Variants in GOLGA4 observed in about 807,000 individuals in gnomAD.
GOLGA4 encodes the protein golgin A4.
GOLGA4 carries 169 observed loss-of-function variants against 265.9 expected under a neutral mutation model. That is an observed-to-expected ratio of 0.64 (90% CI 0.56 to 0.72). The LOEUF (loss-of-function observed/expected upper bound fraction) is 0.72. GOLGA4 is among the 30% of genes least tolerant of loss of function. The pLI, the probability that GOLGA4 is intolerant of heterozygous loss-of-function variation, is 0.00. For missense variants in GOLGA4, 2,482 were observed against 2,483.4 expected (o/e 1.00, Z 0.01); for synonymous variants, 923 against 855.8 (o/e 1.08, Z -1.37).
chr3:37,258,924 A>G (rs1045182814), intron 2 of GOLGA4, among the ~76,000 whole-genome samples: 1 of 152,104 alleles, frequency 6.6e-6, no homozygotes, highest in Admixed American at 6.6e-5. Flanking sequence ...TATATTCATA[A>G]GAGATGCTGG....
intron 12 of GOLGA4, 170 bp from the exon 13 acceptor site, chr3:37,321,561 C>G: frequency 1.7e-6 from 1 of 585,706 alleles, no homozygotes. Context: ...CTGGAAAAGC[C>G]ATAGTGCCTT....
Position 37,349,760 on chromosome 3 carries a change from G to A in GOLGA4, c.6576+2464G>A, listed in dbSNP as rs79211018. ...GGTTGCGGTTTTAGAATAAGTCGGA[G>A]TATGTTGTGCTCTTTGTGATTTGAT... On this transcript the variant is annotated intron_variant, in intron 21 of 23. Coordinates refer to ENST00000361924, the MANE Select transcript of GOLGA4 (RefSeq NM_002078.5). Among the ~76,000 whole-genome samples the A allele has an allele frequency of 8.4e-3, 1,272 of 152,254 alleles. 18 individuals are homozygous for A. Among genetic ancestry groups the A allele is most frequent in the Middle Eastern group, 0.014 (4 of 294 alleles).
At chr3:37,258,988 C>T (rs892458487) in intron 2 of GOLGA4, among the ~76,000 whole-genome samples, 9 of 151,842 alleles carry the variant, frequency 5.9e-5, no homozygotes, top group African/African-American at 2.2e-4. Context: ...TAATACAGCC[C>T]CCATGAAACG....
intron 22 of GOLGA4, 65 bp downstream of exon 22, chr3:37,355,252 T>G (rs1436659324): frequency 1.2e-6 from 1 of 853,750 alleles, no homozygotes; most frequent in Non-Finnish European, 2.0e-6. Context: ...CTGTCTCATT[T>G]ATAAGGACTT....
chr3:37,298,807 C>A, intron 7 of GOLGA4, 26 bp from the exon 8 acceptor site: 4 of 1,525,466 alleles, frequency 2.6e-6, no homozygotes, highest in Non-Finnish European at 3.6e-6. Context: ...TACTGATGGG[C>A]CCTTCTTATG....
intron 2 of GOLGA4, among the ~76,000 whole-genome samples, chr3:37,264,995 A>G (rs773148869): frequency 2.6e-5 from 4 of 152,072 alleles, no homozygotes; most frequent in Non-Finnish European, 4.4e-5. Flanking sequence ...CCCATCACCC[A>G]TTTCTCCCCA....
At chr3:37,296,464 A>G (rs922688279) in intron 7 of GOLGA4, among the ~76,000 whole-genome samples, 15 of 152,190 alleles carry the variant, frequency 9.9e-5, no homozygotes, top group African/African-American at 3.4e-4. Flanking sequence ...GCTGATAGAT[A>G]TGGGCTGAGG....
At chr3:37,267,430 C>A (rs972385728) in intron 2 of GOLGA4, among the ~76,000 whole-genome samples, 11 of 152,112 alleles carry the variant, frequency 7.2e-5, no homozygotes, top group Non-Finnish European at 1.5e-4. Flanking sequence ...TTTGCAGTTA[C>A]CTGTTTTTTA....
At chr3:37,321,632 G>A in intron 12 of GOLGA4, 99 bp from the exon 13 acceptor site, 1 of 1,044,924 alleles carries the variant, frequency 9.6e-7, no homozygotes, top group Non-Finnish European at 1.4e-6. Context: ...CAACAGGGCT[G>A]GGTGCAGATC....
intron 7 of GOLGA4, among the ~76,000 whole-genome samples, chr3:37,298,038 AAG>A (rs1246588460): frequency 1.3e-5 from 2 of 152,058 alleles, no homozygotes; most frequent in Non-Finnish European, 2.9e-5. Flanking sequence ...CAAAAAAAAA[AAG>A]AGGGAATACA....
intron 7 of GOLGA4, among the ~76,000 whole-genome samples, chr3:37,297,778 A>G (rs1036024347): frequency 6.6e-6 from 1 of 152,122 alleles, no homozygotes; most frequent in Non-Finnish European, 1.5e-5. Context: ...TGTAATCCCA[A>G]CACTTTGGGA....
chr3:37,332,679 T>G (rs1055263323), intron 16 of GOLGA4, among the ~76,000 whole-genome samples: 10 of 152,162 alleles, frequency 6.6e-5, no homozygotes, highest in African/African-American at 2.4e-4. Flanking sequence ...CTGTGTTCTG[T>G]GTCCTCTCCC....
chr3:37,339,183 T>G (rs1421674825), intron 19 of GOLGA4, among the ~76,000 whole-genome samples: 1 of 152,072 alleles, frequency 6.6e-6, no homozygotes, highest in African/African-American at 2.4e-5. Flanking sequence ...TTTTTTCAGC[T>G]TAGCGTGATG....
intron 4 of GOLGA4, among the ~76,000 whole-genome samples, chr3:37,288,192 C>T (rs2096854998): frequency 2.0e-5 from 3 of 149,462 alleles, no homozygotes; most frequent in African/African-American, 7.4e-5. Flanking sequence ...ACCTCCACCT[C>T]CCGGGTTCAA....
intron 2 of GOLGA4, among the ~76,000 whole-genome samples, chr3:37,268,827 C>A (rs1462571285): frequency 6.6e-6 from 1 of 152,206 alleles, no homozygotes; most frequent in Non-Finnish European, 1.5e-5. Flanking sequence ...GCCTCGGCCT[C>A]CTGAAGTGCT....
intron 11 of GOLGA4, 101 bp downstream of exon 11, chr3:37,315,699 TAGAC>T: frequency 1.0e-6 from 1 of 1,000,994 alleles, no homozygotes; most frequent in Non-Finnish European, 1.5e-6. Flanking sequence ...GTTTGTATTT[TAGAC>T]ATTGACTGTT....
chr3:37,323,752 G>A lies in GOLGA4; in HGVS notation c.1866G>A (p.Gln622=). 6.2e-7 allele frequency: 1 copy of A among 1,613,576 alleles called. No individual in the cohort carries two copies. Among genetic ancestry groups the A allele is most frequent in the East Asian group, 2.2e-5 (1 of 44,848 alleles). ...CAGAATTGGAAAGCCTTAAGCATCA[G>A]CAGGATGCCCTTTGGACTGAAAAAC... The part of the protein sequence containing the change: ...HKTELESLKH[Q]QDALWTEKLQ... Residue 622 remains glutamine (Q), a synonymous_variant, in exon 14 of 24, where the codon CAG becomes CAA. Coordinates refer to ENST00000361924, the MANE Select transcript of GOLGA4 (RefSeq NM_002078.5).
At chr3:37,275,224 AAAAAAAAAAAAAAAAAAG>A (rs2096812118) in intron 2 of GOLGA4, among the ~76,000 whole-genome samples, 2 of 148,582 alleles carry the variant, frequency 1.3e-5, no homozygotes, top group African/African-American at 2.5e-5. Flanking sequence ...TCAAAAAAAA[AAAAAAAAAAAAAAAAAAG>A]AAAAAAAAAA....
chr3:37,361,677 T>C (rs541928894), intron 23 of GOLGA4, among the ~76,000 whole-genome samples: 1 of 152,372 alleles, frequency 6.6e-6, no homozygotes, highest in East Asian at 1.9e-4. Flanking sequence ...AAAATCATTT[T>C]CTAGATAAAA....
Sources: allele counts gnomAD v4.1 joint callset (sites outside exome capture counted in the v4.1 genomes callset), GRCh38; gene constraint gnomAD v4.1.1; transcripts MANE v1.5; gene names NCBI Gene and HGNC (gene_info 2026-07-23, HGNC 2026-07-21).